NRF1: variants seen among roughly 807,000 people sequenced by gnomAD.
NRF1 encodes alpha palindromic-binding protein.
A neutral mutation model predicts 58.5 loss-of-function variants in NRF1; 5 were observed. The observed-to-expected ratio is 0.09, with a 90% confidence interval of 0.04 to 0.18. NRF1 has a LOEUF of 0.18. NRF1 is among the 10% of genes least tolerant of loss of function. The probability of loss-of-function intolerance (pLI) is 1.00; values close to 1 mark genes in which losing one functional copy is unlikely to be tolerated. For synonymous variants in NRF1, 224 were observed against 246.7 expected (o/e 0.91, Z 0.86); for missense variants, 288 against 657.7 (o/e 0.44, Z 6.15).
chr7:129,644,261 A>C (rs113093833), intron 1 of NRF1, among the ~76,000 whole-genome samples: 1 of 152,254 alleles, frequency 6.6e-6, no homozygotes, highest in Admixed American at 6.5e-5. Context: ...GTAAAGAAAC[A>C]TAGGAAATTA....
chr7:129,735,085 C>G (rs998738970), intron 10 of NRF1: 1 of 985,338 alleles, frequency 1.0e-6, no homozygotes, highest in African/African-American at 1.7e-5. Flanking sequence ...ACAGCCCTTG[C>G]TTGGGGTCCC....
intron 1 of NRF1, among the ~76,000 whole-genome samples, chr7:129,655,270 T>A (rs1273234362): frequency 6.6e-6 from 1 of 152,184 alleles, no homozygotes; most frequent in Non-Finnish European, 1.5e-5. Flanking sequence ...TCATTTCTAG[T>A]ATTTAGGAAA....
chr7:129,677,798 TCTGTCGG>T, intron 4 of NRF1, 40 bp downstream of exon 4: 1 of 1,608,186 alleles, frequency 6.2e-7, no homozygotes, highest in East Asian at 2.2e-5. Flanking sequence ...CCCTTTGCTT[TCTGTCGG>T]CTGCTTCCAT....
At chr7:129,709,029 C>T (rs748789379) in intron 5 of NRF1, 46 bp from the exon 6 acceptor site, 2 of 1,382,042 alleles carry the variant, frequency 1.4e-6, no homozygotes, top group African/African-American at 1.5e-5. Flanking sequence ...TAAACACACC[C>T]CAGATGTCTT....
chr7:129,728,183 A>C (rs1282868071), intron 10 of NRF1, among the ~76,000 whole-genome samples: 1 of 152,150 alleles, frequency 6.6e-6, no homozygotes, highest in Non-Finnish European at 1.5e-5. Context: ...AAGCAGGACA[A>C]ATTAAATACT....
intron 8 of NRF1, among the ~76,000 whole-genome samples, chr7:129,714,215 C>T (rs1803138457): frequency 6.6e-6 from 1 of 152,216 alleles, no homozygotes; most frequent in African/African-American, 2.4e-5. Flanking sequence ...CGTTTACTGT[C>T]ATTCCATGCC....
In NRF1 at chr7:129,654,363, A is replaced by G. The variant is rs527793176; in HGVS notation, c.-6-2983A>G. Reference sequence around the variant, plus strand: ...TAAGAATTCCTTATTTTGGATAACAATCCTTCTGATTCATCTTTTACAACT... The same window carrying G: ...TAAGAATTCCTTATTTTGGATAACAGTCCTTCTGATTCATCTTTTACAACT... On this transcript the variant is annotated intron_variant, in intron 1 of 10. Coordinates refer to ENST00000393232, the MANE Select transcript of NRF1 (RefSeq NM_005011.5). Among the ~76,000 whole-genome samples, 81 of 152,276 alleles carry G rather than the reference A, an allele frequency of 5.3e-4. 1 individual carries two copies. The South Asian group carries it at 0.016, about 30-fold the overall frequency.
At chr7:129,642,776 TAAATGA>T (rs1801322973) in intron 1 of NRF1, among the ~76,000 whole-genome samples, 1 of 137,066 alleles carries the variant, frequency 7.3e-6, no homozygotes, top group African/African-American at 2.9e-5. Context: ...TTTTTTTTTT[TAAATGA>T]GATAGGGTCC....
intron 1 of NRF1, among the ~76,000 whole-genome samples, chr7:129,629,553 G>A (rs569775518): frequency 1.3e-4 from 20 of 151,418 alleles, no homozygotes; most frequent in Admixed American, 1.1e-3. Context: ...GGGATTACAG[G>A]TGTGAGCCAC....
chr7:129,751,871 G>A (rs1256612521), intron 10 of NRF1, among the ~76,000 whole-genome samples: 1 of 152,178 alleles, frequency 6.6e-6, no homozygotes, highest in Non-Finnish European at 1.5e-5. Context: ...CCAGAAGAGA[G>A]CCTGATCGTG....
chr7:129,686,687 C>T (rs747686346), intron 4 of NRF1, among the ~76,000 whole-genome samples: 8 of 152,120 alleles, frequency 5.3e-5, no homozygotes, highest in Admixed American at 2.0e-4. Flanking sequence ...TAAGTGTTTC[C>T]AAAATTTCAA....
At chr7:129,745,506 AC>A (rs35406699) in intron 10 of NRF1, among the ~76,000 whole-genome samples, 21,633 of 112,626 alleles carry the variant, frequency 0.19, 1,681 homozygotes, top group East Asian at 0.47. Flanking sequence ...ATCCCCCTCA[AC>A]CCCCCCCCCA....
chr7:129,642,044 C>A (rs1281188841), intron 1 of NRF1, among the ~76,000 whole-genome samples: 1 of 150,500 alleles, frequency 6.6e-6, no homozygotes, highest in African/African-American at 2.4e-5. Flanking sequence ...AGTGGCACAA[C>A]CTCGGCTCAC....
chr7:129,711,469 C>G lies in NRF1; in HGVS notation c.964-6C>G, dbSNP rs373515270. On this transcript the variant is annotated splice_region_variant and splice_polypyrimidine_tract_variant and intron_variant, in intron 7 of 10. Coordinates refer to ENST00000393232, the MANE Select transcript of NRF1 (RefSeq NM_005011.5). ...ACACTTAACCACTTTCCATATTTTT[C>G]TTTAGGTTGGTACGGGGGCAACAGT... The G allele has an allele frequency of 1.5e-5, 24 of 1,605,254 alleles. No homozygotes were observed. The African/African-American group carries it at 2.4e-4, about 16-fold the overall frequency.
intron 5 of NRF1, among the ~76,000 whole-genome samples, chr7:129,708,615 A>G (rs943149616): frequency 2.4e-4 from 37 of 152,140 alleles, no homozygotes; most frequent in Admixed American, 2.3e-3. Flanking sequence ...GGAATTCTCT[A>G]GATATAAGGT....
intron 1 of NRF1, among the ~76,000 whole-genome samples, chr7:129,656,343 T>C (rs1294232645): frequency 6.6e-6 from 1 of 152,090 alleles, no homozygotes; most frequent in Admixed American, 6.6e-5. Flanking sequence ...TCCAGATATA[T>C]TGTAATATGA....
At chr7:129,689,318 C>G (rs954774322) in intron 4 of NRF1, among the ~76,000 whole-genome samples, 4 of 152,044 alleles carry the variant, frequency 2.6e-5, no homozygotes, top group South Asian at 2.1e-4. Flanking sequence ...AGAGTCCAGC[C>G]CACTCAGCAG....
chr7:129,717,406 G>A (rs748827747), intron 9 of NRF1, 30 bp downstream of exon 9: 28 of 1,584,900 alleles, frequency 1.8e-5, no homozygotes, highest in African/African-American at 6.8e-5. Context: ...AATAAGTGAG[G>A]ATCGCAAATC....
At chr7:129,612,959 ATTC>A (rs1375017211) in intron 1 of NRF1, among the ~76,000 whole-genome samples, 1 of 152,228 alleles carries the variant, frequency 6.6e-6, no homozygotes, top group Non-Finnish European at 1.5e-5. Context: ...CCTGCTCTCC[ATTC>A]TTCTTAAGCA....
Sources: allele counts gnomAD v4.1 joint callset (sites outside exome capture counted in the v4.1 genomes callset), GRCh38; gene constraint gnomAD v4.1.1; transcripts MANE v1.5; gene names NCBI Gene and HGNC (gene_info 2026-07-23, HGNC 2026-07-21).